The following LSAMP variants were observed in gnomAD, a reference collection of about 807,000 sequenced individuals.
LSAMP encodes the protein limbic system-associated membrane protein.
A neutral mutation model predicts 38.6 loss-of-function variants in LSAMP; 7 were observed. That is an observed-to-expected ratio of 0.18 (90% CI 0.10 to 0.34). LSAMP has a LOEUF of 0.34. Ranked by LOEUF, LSAMP falls within the 10% of genes least tolerant of loss-of-function variation. The probability of loss-of-function intolerance (pLI) is 1.00; values close to 1 mark genes in which losing one functional copy is unlikely to be tolerated. For synonymous variants in LSAMP, 154 were observed against 166.8 expected (o/e 0.92, Z 0.59); for missense variants, 313 against 420.0 (o/e 0.75, Z 2.23).
At chr3:116,418,391 G>T (rs1014873425) in intron 1 of LSAMP, among the ~76,000 whole-genome samples, 5 of 152,066 alleles carry the variant, frequency 3.3e-5, no homozygotes, top group African/African-American at 1.2e-4. Flanking sequence ...CCTATTATTT[G>T]CAAGCTTGAA....
At chr3:116,097,683 G>A (rs1446806961) in intron 1 of LSAMP, among the ~76,000 whole-genome samples, 1 of 152,090 alleles carries the variant, frequency 6.6e-6, no homozygotes, top group African/African-American at 2.4e-5. Context: ...GGTAGAGGTA[G>A]AGGTAAAAGA....
chr3:116,083,778 AAT>A (rs2107415066), intron 2 of LSAMP, among the ~76,000 whole-genome samples: 1 of 152,310 alleles, frequency 6.6e-6, no homozygotes, highest in Admixed American at 6.5e-5. Context: ...TGGTGAAAAC[AAT>A]AGAGAGCTGA....
At chr3:116,146,439 A>C (rs1709491809) in intron 1 of LSAMP, among the ~76,000 whole-genome samples, 2 of 151,952 alleles carry the variant, frequency 1.3e-5, no homozygotes, top group Admixed American at 1.3e-4. Context: ...AGCTGCTATT[A>C]CTTAAAAAGC....
intron 1 of LSAMP, among the ~76,000 whole-genome samples, chr3:116,408,161 T>C (rs968452516): frequency 2.6e-4 from 39 of 152,078 alleles, no homozygotes; most frequent in Non-Finnish European, 1.5e-4. Context: ...TTTACACATA[T>C]CTATGTCATT....
At chr3:115,999,101 C>G (rs1164983983) in intron 3 of LSAMP, among the ~76,000 whole-genome samples, 1 of 152,130 alleles carries the variant, frequency 6.6e-6, no homozygotes, top group Non-Finnish European at 1.5e-5. Flanking sequence ...AAATACAAAA[C>G]AAATCCCTTG....
chr3:116,039,528 T>C (rs1188425793), intron 2 of LSAMP, among the ~76,000 whole-genome samples: 2 of 152,232 alleles, frequency 1.3e-5, no homozygotes, highest in South Asian at 2.1e-4. Flanking sequence ...GGAGGCACCA[T>C]GCACCATCTT....
intron 1 of LSAMP, among the ~76,000 whole-genome samples, chr3:116,408,154 A>G (rs13069010): frequency 0.094 from 14,343 of 152,136 alleles, 755 homozygotes; most frequent in Middle Eastern, 0.15. Context: ...TTCCATCTTT[A>G]CACATATCTA....
chr3:115,947,631 A>G (rs190498680), intron 3 of LSAMP, among the ~76,000 whole-genome samples: 6 of 152,328 alleles, frequency 3.9e-5, no homozygotes, highest in Admixed American at 2.0e-4. Context: ...CATCAAGATT[A>G]TGAGATTTTT....
chr3:116,153,242 C>T (rs898283020), intron 1 of LSAMP, among the ~76,000 whole-genome samples: 16 of 152,036 alleles, frequency 1.1e-4, no homozygotes, highest in Admixed American at 2.6e-4. Flanking sequence ...TGGAGCCCCC[C>T]TATTATCTTT....
chr3:116,431,621 T>C (rs1208335350), intron 1 of LSAMP, among the ~76,000 whole-genome samples: 1 of 152,128 alleles, frequency 6.6e-6, no homozygotes, highest in Non-Finnish European at 1.5e-5. Flanking sequence ...CTGGATATAA[T>C]GCATATCAGT....
chr3:116,062,867 A>T (rs993865771), intron 2 of LSAMP, among the ~76,000 whole-genome samples: 1 of 152,194 alleles, frequency 6.6e-6, no homozygotes, highest in Non-Finnish European at 1.5e-5. Flanking sequence ...AGTGAAACAA[A>T]CTTTCATAAA....
intron 1 of LSAMP, among the ~76,000 whole-genome samples, chr3:116,219,931 T>C (rs2046262148): frequency 6.6e-6 from 1 of 152,120 alleles, no homozygotes; most frequent in African/African-American, 2.4e-5. Flanking sequence ...TCCCAGCACT[T>C]TGAGAGGCCA....
chr3:116,000,534 G>A (rs1222520231), intron 3 of LSAMP, among the ~76,000 whole-genome samples: 1 of 152,138 alleles, frequency 6.6e-6, no homozygotes, highest in Non-Finnish European at 1.5e-5. Context: ...CTGGTACACT[G>A]AGGGCTGCAC....
intron 2 of LSAMP, among the ~76,000 whole-genome samples, chr3:116,081,484 T>G (rs1707872071): frequency 6.6e-6 from 1 of 152,004 alleles, no homozygotes; most frequent in Admixed American, 6.6e-5. Context: ...TTTCCTAATA[T>G]TTAAGTTTTC....
At chr3:116,241,966 C>T (rs1249876656) in intron 1 of LSAMP, among the ~76,000 whole-genome samples, 1 of 151,994 alleles carries the variant, frequency 6.6e-6, no homozygotes, top group Non-Finnish European at 1.5e-5. Flanking sequence ...TACTTGTATT[C>T]CCGGAAATAT....
intron 1 of LSAMP, among the ~76,000 whole-genome samples, chr3:116,247,582 T>C (rs2046620650): frequency 6.6e-6 from 1 of 152,092 alleles, no homozygotes. Context: ...GGGAACAAAG[T>C]AGATAACATT....
rs1345093148 is a variant in LSAMP at position 115,804,836 on chromosome 3, C to A, written c.*5481G>T. ...AACTCCCAATTAAAAATGATTCAGT[C>A]CCTCACTTGCAATATTCAGGATAAA... On this transcript the variant is annotated 3_prime_UTR_variant, in exon 7 of 7. Transcript: ENST00000490035. 2 of 152,118 alleles carry A rather than the reference C, an allele frequency of 1.3e-5. No individual in the cohort carries two copies. Among genetic ancestry groups the A allele is most frequent in the Non-Finnish European group, 2.9e-5 (2 of 68,008 alleles). The allele number at this position is 152,118 out of a possible 1,614,324, so 9.4% of individuals were successfully genotyped here. A position where few individuals can be genotyped will look rare whatever the true frequency, so the allele number is the denominator to read the frequency against.
intron 2 of LSAMP, among the ~76,000 whole-genome samples, chr3:116,041,297 T>C (rs765470797): frequency 1.1e-4 from 16 of 152,110 alleles, no homozygotes; most frequent in Non-Finnish European, 2.1e-4. Context: ...AAGAAGAATA[T>C]ATAACAAATA....
rs149633212 is a variant in LSAMP at position 116,393,826 on chromosome 3, G to A, written c.155+51051C>T. Among the ~76,000 whole-genome samples, 431 of 152,288 alleles carry A rather than the reference G, an allele frequency of 2.8e-3. 2 individuals are homozygous for A. The highest frequency in any genetic ancestry group is 9.9e-3 in the African/African-American group (411 of 41,560). On this transcript the variant is annotated intron_variant, in intron 1 of 6. Coordinates refer to ENST00000490035, the MANE Select transcript of LSAMP (RefSeq NM_002338.5). ...ATAATGTTGTGATGAACTGGGAAAT[G>A]TGTTTCTAACTAGCTTCTGGTATAT... is the stretch of plus-strand genomic sequence containing the variant.
Sources: gnomAD v4.1 joint callset for allele counts (sites outside exome capture counted in the v4.1 genomes callset) on GRCh38, gnomAD v4.1.1 for gene constraint, MANE v1.5 for transcripts, NCBI Gene and HGNC (gene_info 2026-07-23, HGNC 2026-07-21) for gene names.